AGBL1: variants seen among roughly 807,000 people sequenced by gnomAD.
The protein encoded by AGBL1 is AGBL carboxypeptidase 1.
A neutral mutation model predicts 118.9 loss-of-function variants in AGBL1; 130 were observed. The ratio of observed to expected loss-of-function variants is 1.09; its 90% CI spans 0.95 to 1.26. The LOEUF (loss-of-function observed/expected upper bound fraction) is 1.26, where lower values mean the gene tolerates loss of function less well. AGBL1 is among the 50% of genes most tolerant of loss of function. The pLI, the probability that AGBL1 is intolerant of heterozygous loss-of-function variation, is 0.00. For synonymous variants in AGBL1, 555 were observed against 478.9 expected (o/e 1.16, Z -2.08); for missense variants, 1,584 against 1,298.1 (o/e 1.22, Z -3.38).
At position 86,295,140 on chromosome 15, in the gene AGBL1, G is replaced by T. The variant is rs981306736; in HGVS notation, c.2221-115G>T. 18 of 1,280,106 alleles carry T rather than the reference G, an allele frequency of 1.4e-5. No homozygotes were observed. The African/African-American group carries it at 2.7e-4, about 19-fold the overall frequency. The allele number at this position is 1,280,106 out of a possible 1,614,324, so 79.3% of individuals were successfully genotyped here. ...ATCACTCAAGGCCCAATACATAAAGGACAGATTAGATTAACAACAATACTT... is the reference window on the plus strand; with the variant it reads ...ATCACTCAAGGCCCAATACATAAAGTACAGATTAGATTAACAACAATACTT... On this transcript the variant is annotated intron_variant, in intron 16 of 22. Transcript: ENST00000614907.
intron 18 of AGBL1, among the ~76,000 whole-genome samples, chr15:86,415,415 C>T (rs1424894581): frequency 6.6e-6 from 1 of 152,054 alleles, no homozygotes; most frequent in Non-Finnish European, 1.5e-5. Flanking sequence ...GGGATAATAG[C>T]AAGTAATGAC....
At chr15:86,504,582 T>G (rs1302358368) in intron 18 of AGBL1, among the ~76,000 whole-genome samples, 2 of 151,640 alleles carry the variant, frequency 1.3e-5, no homozygotes, top group Non-Finnish European at 3.0e-5. Flanking sequence ...TTTGAATTCT[T>G]TTATAACTGC....
At chr15:86,469,016 A>T (rs1365948391) in intron 18 of AGBL1, among the ~76,000 whole-genome samples, 1 of 152,176 alleles carries the variant, frequency 6.6e-6, no homozygotes, top group East Asian at 1.9e-4. Flanking sequence ...ATTCATTGTG[A>T]AATGGTTAAA....
chr15:86,181,055 T>A (rs2077545912), intron 5 of AGBL1, among the ~76,000 whole-genome samples: 1 of 152,134 alleles, frequency 6.6e-6, no homozygotes, highest in African/African-American at 2.4e-5. Context: ...ACTCACACTT[T>A]GCTGGTGGGA....
At chr15:86,575,522 A>C (rs1174407351) in intron 21 of AGBL1, among the ~76,000 whole-genome samples, 4 of 152,156 alleles carry the variant, frequency 2.6e-5, no homozygotes, top group Non-Finnish European at 4.4e-5. Context: ...AAATAAATAA[A>C]TAAAAATTTG....
chr15:87,016,204 GATCCA>G (rs200210961), intron 24 of AGBL1, among the ~76,000 whole-genome samples: 2,926 of 152,260 alleles, frequency 0.019, 49 homozygotes, highest in South Asian at 0.032. Flanking sequence ...CTGACCCACT[GATCCA>G]CTAGGACTGA....
At chr15:86,963,661 G>A (rs892243099) in intron 23 of AGBL1, among the ~76,000 whole-genome samples, 3 of 151,860 alleles carry the variant, frequency 2.0e-5, no homozygotes, top group East Asian at 3.9e-4. Context: ...CACATCACTC[G>A]GAGTTAGTGT....
chr15:86,411,036 A>T (rs2081612683), intron 18 of AGBL1, among the ~76,000 whole-genome samples: 1 of 148,412 alleles, frequency 6.7e-6, no homozygotes, highest in Non-Finnish European at 1.5e-5. Context: ...TGTACAAAAA[A>T]TTCAGCAACA....
chr15:86,571,052 C>A (rs527448087), intron 21 of AGBL1, among the ~76,000 whole-genome samples: 1 of 152,272 alleles, frequency 6.6e-6, no homozygotes, highest in East Asian at 1.9e-4. Context: ...GGCATGGACA[C>A]GGGCTCTTGG....
chr15:86,555,304 A>G (rs538597963), intron 21 of AGBL1, among the ~76,000 whole-genome samples: 1 of 152,270 alleles, frequency 6.6e-6, no homozygotes, highest in African/African-American at 2.4e-5. Flanking sequence ...ATTCAACCCT[A>G]AGAATACCTG....
chr15:86,270,791 G>C (rs185906632), intron 14 of AGBL1, among the ~76,000 whole-genome samples: 1 of 152,184 alleles, frequency 6.6e-6, no homozygotes, highest in Admixed American at 6.5e-5. Flanking sequence ...CAAACTTGGT[G>C]GTTGAAAACA....
At chr15:86,546,221 G>GTGTTT in intron 20 of AGBL1, 88 bp downstream of exon 20, 1 of 1,063,752 alleles carries the variant, frequency 9.4e-7, no homozygotes, top group South Asian at 3.4e-5. Flanking sequence ...CATTTATTTA[G>GTGTTT]TTTTTTTTTT....
At chr15:86,384,502 TTTA>T (rs1164728642) in intron 17 of AGBL1, among the ~76,000 whole-genome samples, 4 of 152,290 alleles carry the variant, frequency 2.6e-5, no homozygotes, top group East Asian at 1.9e-4. Flanking sequence ...ACCCAAATAC[TTTA>T]TTATTATACT....
chr15:86,929,686 A>G (rs1302751177), intron 23 of AGBL1, among the ~76,000 whole-genome samples: 1 of 152,248 alleles, frequency 6.6e-6, no homozygotes, highest in Non-Finnish European at 1.5e-5. Flanking sequence ...ACTATCCATC[A>G]GCCTGGTGAT....
At chr15:86,845,891 C>A (rs2079310618) in intron 22 of AGBL1, among the ~76,000 whole-genome samples, 1 of 152,132 alleles carries the variant, frequency 6.6e-6, no homozygotes, top group Non-Finnish European at 1.5e-5. Context: ...TCTCCCAAAC[C>A]TGCTAAATAT....
chr15:86,451,183 C>G (rs1439175523), intron 18 of AGBL1, among the ~76,000 whole-genome samples: 1 of 148,540 alleles, frequency 6.7e-6, no homozygotes, highest in Non-Finnish European at 1.5e-5. Flanking sequence ...TTCCCACCCA[C>G]TAAATTTCAG....
chr15:86,180,690 A>G (rs1399268958), intron 5 of AGBL1, among the ~76,000 whole-genome samples: 3 of 152,108 alleles, frequency 2.0e-5, no homozygotes, highest in Admixed American at 1.3e-4. Context: ...TCAATATTAA[A>G]AACTTCTGTA....
intron 5 of AGBL1, among the ~76,000 whole-genome samples, chr15:86,187,538 G>A (rs2077651990): frequency 6.6e-6 from 1 of 152,174 alleles, no homozygotes; most frequent in African/African-American, 2.4e-5. Context: ...TCTTAATGCT[G>A]CTGAGCCTCA....
At chr15:86,784,282 T>C (rs1428494455) in intron 22 of AGBL1, among the ~76,000 whole-genome samples, 1 of 152,200 alleles carries the variant, frequency 6.6e-6, no homozygotes, top group Non-Finnish European at 1.5e-5. Context: ...GGCAACCTAC[T>C]GATGGAATTC....
Sources: allele counts gnomAD v4.1 joint callset (sites outside exome capture counted in the v4.1 genomes callset), GRCh38; gene constraint gnomAD v4.1.1; transcripts MANE v1.5; gene names NCBI Gene and HGNC (gene_info 2026-07-23, HGNC 2026-07-21).